ZNF233: variants seen among roughly 807,000 people sequenced by gnomAD.
ZNF233 encodes zinc finger protein 233.
In ZNF233, 7 loss-of-function variants were observed where a neutral mutation model predicts 11.6. The ratio of observed to expected loss-of-function variants is 0.60; its 90% CI spans 0.34 to 1.13. The LOEUF (loss-of-function observed/expected upper bound fraction) is 1.13. Among genes scored for constraint, ZNF233 ranks in the 50% most tolerant of loss-of-function variants. The pLI is 0.03. For missense variants in ZNF233, 711 were observed against 785.5 expected, an observed-to-expected ratio of 0.91 and a Z score of 1.13; for synonymous variants, 226 against 268.5, an observed-to-expected ratio of 0.84 and a Z score of 1.55.
chr19:44,263,444 G>A (rs1004071292), intron 1 of ZNF233, among the ~76,000 whole-genome samples: 2 of 152,048 alleles, frequency 1.3e-5, no homozygotes, highest in African/African-American at 2.4e-5. Context: ...TCTGTTATTA[G>A]TACTACAGTA....
intron 1 of ZNF233, among the ~76,000 whole-genome samples, 171 bp from the exon 2 acceptor site, chr19:44,264,143 T>A (rs894963959): frequency 6.6e-6 from 1 of 152,216 alleles, no homozygotes; most frequent in Non-Finnish European, 1.5e-5. Flanking sequence ...GGTTTCGTCA[T>A]GTTGCGGGCT....
Position 44,274,208 on chromosome 19 carries a change from C to T in ZNF233, c.1548C>T (p.Asp516=). 3 of 1,614,046 alleles carry T rather than the reference C, an allele frequency of 1.9e-6. No homozygotes were observed. The highest frequency in any genetic ancestry group is 2.5e-6 in the Non-Finnish European group (3 of 1,180,000). The change falls in exon 5 of 5, where the codon GAC becomes GAT. Residue 516 remains aspartate (D), a synonymous_variant. Coordinates refer to ENST00000683810, the MANE Select transcript of ZNF233 (RefSeq NM_001207005.2). ...KPYKCDTCGK[D]FSQISHLQAH... is the part of the protein sequence containing the mutation. ...ACAAATGTGACACATGTGGGAAGGA[C>T]TTCAGTCAGATCTCTCATCTTCAGG...
chr19:44,273,082 G>C lies in ZNF233; in HGVS notation c.422G>C (p.Cys141Ser), dbSNP rs1400294484. ...TTGCTAAAACAAGGTGATTCCCCCT[G>C]TCAGGTGTGGACAGGAGAATCTAGT... ...SKLLKQGDSP[C>S]QVWTGESSQV... is the part of the protein sequence containing the mutation. The change falls in exon 5 of 5, where the codon TGT (cysteine) becomes TCT (serine). Residue 141 changes from cysteine (C) to serine (S), a missense_variant. Physicochemically the swap from Cys to Ser is moderately radical, Grantham distance 112. Coordinates refer to ENST00000683810, the MANE Select transcript of ZNF233 (RefSeq NM_001207005.2). 1 of 1,614,106 alleles carries C rather than the reference G, an allele frequency of 6.2e-7. No individual in the cohort carries two copies. The highest frequency in any genetic ancestry group is 1.1e-5 in the South Asian group (1 of 91,070).
At chr19:44,267,814 CT>C (rs954621013) in intron 4 of ZNF233, 63 of 159,186 alleles carry the variant, frequency 4.0e-4, no homozygotes, top group Admixed American at 6.5e-4. Flanking sequence ...CAGAAACCTG[CT>C]TTTTTTTTTC....
chr19:44,271,833 T>C (rs1358156991), intron 4 of ZNF233, among the ~76,000 whole-genome samples: 3 of 152,022 alleles, frequency 2.0e-5, no homozygotes, highest in Non-Finnish European at 4.4e-5. Context: ...TTTTAAGTGA[T>C]TATTCTTATG....
intron 1 of ZNF233, among the ~76,000 whole-genome samples, chr19:44,261,744 C>A (rs1237426429): frequency 6.6e-6 from 1 of 151,122 alleles, no homozygotes; most frequent in African/African-American, 2.4e-5. Flanking sequence ...CTCCCACTCC[C>A]AGGTTCAAGT....
chr19:44,263,791 A>T (rs1364337353), intron 1 of ZNF233, among the ~76,000 whole-genome samples: 1 of 152,252 alleles, frequency 6.6e-6, no homozygotes, highest in Non-Finnish European at 1.5e-5. Context: ...ATTGGAAATG[A>T]TGGCAAAAGA....
intron 1 of ZNF233, among the ~76,000 whole-genome samples, chr19:44,260,506 C>T (rs1481362516): frequency 2.6e-5 from 4 of 152,196 alleles, no homozygotes; most frequent in African/African-American, 9.6e-5. Context: ...GGATTCCTAA[C>T]GTGGGGGGAC....
rs1300072213 is a variant in ZNF233, at chr19:44,274,411, G to C, written c.1751G>C (p.Arg584Thr). 6.2e-7 allele frequency: 1 copy of C among 1,614,240 alleles called. No individual in the cohort carries two copies. ...AGTTCACATCTTCAAGCCCATCAGA[G>C]AGTCCACACAGGAGAGAAACCATAC... ...SWSSHLQAHQRVHTGEKPYKC... is the reference protein window; with the variant it reads ...SWSSHLQAHQTVHTGEKPYKC... Residue 584 changes from arginine to threonine, a missense_variant, in exon 5 of 5, where the codon AGA (arginine) becomes ACA (threonine). Transcript: ENST00000683810.
Position 44,274,328 on chromosome 19 carries a change from A to C in ZNF233, c.1668A>C (p.Gln556His). 1.2e-6 allele frequency: 2 copies of C among 1,613,962 alleles called. No individual in the cohort carries two copies. The highest frequency in any genetic ancestry group is 3.3e-5 in the Admixed American group (2 of 60,004). Residue 556 changes from glutamine (Q) to histidine (H), a missense_variant, in exon 5 of 5, where the codon CAA (glutamine) becomes CAC (histidine). Transcript: ENST00000683810. ...SQSSHLQDHQ[Q>H]VHTGENPYKC... ...GTTCGCATCTCCAAGACCATCAGCA[A>C]GTCCATACTGGAGAGAATCCCTACA...
At chr19:44,260,272 AG>A (rs1239224778) in intron 1 of ZNF233, 1 of 162,922 alleles carries the variant, frequency 6.1e-6, no homozygotes, top group African/African-American at 2.4e-5. Flanking sequence ...CCTAACTGGT[AG>A]GGGTTTCGTG....
chr19:44,267,063 C>T (rs777152677), intron 4 of ZNF233, 102 bp downstream of exon 4: 10 of 798,828 alleles, frequency 1.3e-5, no homozygotes, highest in African/African-American at 3.4e-5. Context: ...CAGAATTCAT[C>T]GCCCTGGTTT....
Position 44,274,014 on chromosome 19 carries a change from T to A in ZNF233, c.1354T>A (p.Tyr452Asn). The change falls in exon 5 of 5, where the codon TAT becomes AAT. Residue 452 changes from tyrosine (Y) to asparagine (N), a missense_variant. Physicochemically the swap from Tyr to Asn is moderately radical, Grantham distance 143. Transcript: ENST00000683810. ...GAGAGTTCACACTGGAGAGAAACCA[T>A]ATAAATGTGAGGTATGTGATAAGGG... ...HQRVHTGEKP[Y>N]KCEVCDKGFS... is the part of the protein sequence containing the mutation. The A allele has an allele frequency of 6.3e-7, 1 of 1,597,794 alleles. No individual in the cohort carries two copies. The highest frequency in any genetic ancestry group is 1.1e-5 in the South Asian group (1 of 91,036).
At chr19:44,264,426 A>G (rs749585165) in intron 2 of ZNF233, 51 bp downstream of exon 2, 2 of 1,545,672 alleles carry the variant, frequency 1.3e-6, no homozygotes, top group South Asian at 1.2e-5. Flanking sequence ...CTTTTCCTCA[A>G]AGATTAGACA....
intron 4 of ZNF233, 102 bp from the exon 5 acceptor site, chr19:44,272,797 T>G (rs1975272161): frequency 1.2e-6 from 1 of 823,960 alleles, no homozygotes; most frequent in African/African-American, 1.7e-5. Flanking sequence ...CACTGGTTTA[T>G]TAAGGTTTCC....
intron 4 of ZNF233, chr19:44,267,780 G>A (rs1485520592): frequency 5.3e-6 from 1 of 187,352 alleles, no homozygotes; most frequent in Non-Finnish European, 1.1e-5. Context: ...CTTCCTTTAT[G>A]TCTGGTCAGA....
intron 1 of ZNF233, among the ~76,000 whole-genome samples, chr19:44,261,650 T>G (rs1360640801): frequency 7.3e-6 from 1 of 137,198 alleles, no homozygotes; most frequent in Non-Finnish European, 1.6e-5. Flanking sequence ...TGATTTCACT[T>G]TTTTTTTTTT....
chr19:44,266,109 C>A, intron 2 of ZNF233, 89 bp from the exon 3 acceptor site: 1 of 1,387,196 alleles, frequency 7.2e-7, no homozygotes, highest in Non-Finnish European at 9.5e-7. Context: ...AGAACGTCTT[C>A]CTGCCTGTTC....
intron 4 of ZNF233, chr19:44,267,381 TCTCA>T: frequency 2.5e-6 from 1 of 396,976 alleles, no homozygotes; most frequent in Middle Eastern, 6.3e-4. Context: ...TTAAGACAGG[TCTCA>T]CTCTGTGACC....
Sources: gnomAD v4.1 joint callset for allele counts (sites outside exome capture counted in the v4.1 genomes callset) on GRCh38, gnomAD v4.1.1 for gene constraint, MANE v1.5 for transcripts, NCBI Gene and HGNC (gene_info 2026-07-23, HGNC 2026-07-21) for gene names.